The following NALF1 variants were observed in gnomAD, a reference collection of about 807,000 sequenced individuals.
The protein encoded by NALF1 is family with sequence similarity 155 member A.
A neutral mutation model predicts 48.4 loss-of-function variants in NALF1; 3 were observed. The ratio of observed to expected loss-of-function variants is 0.06; its 90% CI spans 0.03 to 0.16. NALF1 has a LOEUF of 0.16. Among genes scored for constraint, NALF1 ranks in the 10% least tolerant of loss-of-function variants. NALF1 has a pLI of 1.00. For missense variants in NALF1, 526 were observed against 571.5 expected (o/e 0.92, Z 0.81); for synonymous variants, 262 against 245.7 (o/e 1.07, Z -0.62).
chr13:107,384,678 T>C (rs894516161), intron 1 of NALF1, among the ~76,000 whole-genome samples: 3 of 152,244 alleles, frequency 2.0e-5, no homozygotes, highest in Admixed American at 2.0e-4. Context: ...GTGTGCCTTA[T>C]ATTGATTTTT....
At chr13:107,777,529 G>A (rs1212627983) in intron 1 of NALF1, among the ~76,000 whole-genome samples, 1 of 152,106 alleles carries the variant, frequency 6.6e-6, no homozygotes, top group East Asian at 1.9e-4. Flanking sequence ...AGATCTGCTT[G>A]TTTAAAAGCG....
chr13:107,232,180 G>A (rs17438294), intron 1 of NALF1, among the ~76,000 whole-genome samples: 4,093 of 152,280 alleles, frequency 0.027, 92 homozygotes, highest in South Asian at 0.08. Flanking sequence ...CTGAAACAAA[G>A]CCAAGGTAAT....
chr13:107,719,807 C>T (rs145621448), intron 1 of NALF1, among the ~76,000 whole-genome samples: 5 of 152,270 alleles, frequency 3.3e-5, no homozygotes, highest in African/African-American at 1.2e-4. Flanking sequence ...CCCTTCATTG[C>T]CTCTAACCCA....
At chr13:107,286,810 G>T (rs1881503781) in intron 1 of NALF1, among the ~76,000 whole-genome samples, 1 of 152,138 alleles carries the variant, frequency 6.6e-6, no homozygotes, top group Admixed American at 6.6e-5. Context: ...AATATCCCAT[G>T]TTAAATTAGT....
chr13:107,373,372 G>T (rs551954923), intron 1 of NALF1, among the ~76,000 whole-genome samples: 2 of 152,290 alleles, frequency 1.3e-5, no homozygotes, highest in African/African-American at 4.8e-5. Flanking sequence ...CCCAAGAAAG[G>T]TGAAAGACCT....
intron 1 of NALF1, among the ~76,000 whole-genome samples, chr13:107,824,710 C>G (rs1879461162): frequency 6.6e-6 from 1 of 152,212 alleles, no homozygotes; most frequent in Non-Finnish European, 1.5e-5. Flanking sequence ...CAGGTAATCA[C>G]AAAATTCCAG....
chr13:107,215,012 G>C (rs1594073808), intron 1 of NALF1, among the ~76,000 whole-genome samples: 2 of 152,252 alleles, frequency 1.3e-5, no homozygotes, highest in East Asian at 3.9e-4. Context: ...ACTCTTCTGA[G>C]AGGACAGAAA....
At chr13:107,854,208 A>G (rs1418510831) in intron 1 of NALF1, among the ~76,000 whole-genome samples, 1 of 152,220 alleles carries the variant, frequency 6.6e-6, no homozygotes, top group Non-Finnish European at 1.5e-5. Context: ...TTTAATATTC[A>G]ATATATATAT....
At chr13:107,271,789 TATATATATATATATATATATATATA>T (rs1881173189) in intron 1 of NALF1, among the ~76,000 whole-genome samples, 1 of 77,938 alleles carries the variant, frequency 1.3e-5, no homozygotes, top group African/African-American at 3.6e-5. Flanking sequence ...TATATATATA[TATATATATATATATATATATATATA>T]TATTTATATA....
chr13:107,538,594 C>T (rs1230750136), intron 1 of NALF1, among the ~76,000 whole-genome samples: 22 of 152,050 alleles, frequency 1.4e-4, no homozygotes, highest in Non-Finnish European at 4.4e-5. Flanking sequence ...TCAAATCAGA[C>T]CTCAGTTCAA....
At chr13:107,734,153 T>C (rs180731538) in intron 1 of NALF1, among the ~76,000 whole-genome samples, 8 of 152,216 alleles carry the variant, frequency 5.3e-5, no homozygotes, top group Admixed American at 5.2e-4. Flanking sequence ...CTGAGCTCCA[T>C]TATAATCTTA....
intron 1 of NALF1, among the ~76,000 whole-genome samples, chr13:107,404,586 C>T: frequency 6.6e-6 from 1 of 151,908 alleles, no homozygotes; most frequent in East Asian, 1.9e-4. Flanking sequence ...TTGTAGGGAA[C>T]AAATTTGGTA....
chr13:107,181,207 T>C (rs1879053245), intron 2 of NALF1, among the ~76,000 whole-genome samples: 1 of 151,604 alleles, frequency 6.6e-6, no homozygotes, highest in Admixed American at 6.6e-5. Flanking sequence ...ATTGGTATCT[T>C]TATTTATGTG....
At chr13:107,411,949 G>A (rs1883999566) in intron 1 of NALF1, among the ~76,000 whole-genome samples, 1 of 152,154 alleles carries the variant, frequency 6.6e-6, no homozygotes, top group Admixed American at 6.5e-5. Context: ...TGGCAGTGAG[G>A]AGGCTAACAT....
chr13:107,650,714 C>A (rs1389652868), intron 1 of NALF1, among the ~76,000 whole-genome samples: 1 of 151,804 alleles, frequency 6.6e-6, no homozygotes, highest in Non-Finnish European at 1.5e-5. Context: ...ACCTGTACCC[C>A]AATAACTTAT....
chr13:107,551,065 T>C (rs1474762075), intron 1 of NALF1, among the ~76,000 whole-genome samples: 1 of 152,156 alleles, frequency 6.6e-6, no homozygotes, highest in African/African-American at 2.4e-5. Flanking sequence ...TTCTCACTTC[T>C]ACCTTTCCAC....
chr13:107,364,437 GGCAGTGACATCGTCA>G (rs1275556112), intron 1 of NALF1, among the ~76,000 whole-genome samples: 3 of 152,176 alleles, frequency 2.0e-5, no homozygotes, highest in African/African-American at 7.2e-5. Flanking sequence ...TGAAAACACT[GGCAGTGACATCGTCA>G]GCATTGCTGA....
chr13:107,791,855 G>A (rs1001995919), intron 1 of NALF1, among the ~76,000 whole-genome samples: 1 of 151,958 alleles, frequency 6.6e-6, no homozygotes, highest in Admixed American at 6.6e-5. Context: ...AGCTACTCAG[G>A]AGCCTGAGGC....
intron 1 of NALF1, among the ~76,000 whole-genome samples, chr13:107,784,102 G>A (rs1012144848): frequency 6.6e-6 from 1 of 152,104 alleles, no homozygotes; most frequent in Non-Finnish European, 1.5e-5. Context: ...ATGCCAAGCT[G>A]CATGGGATTT....
Sources: gnomAD v4.1 joint callset for allele counts (sites outside exome capture counted in the v4.1 genomes callset) on GRCh38, gnomAD v4.1.1 for gene constraint, MANE v1.5 for transcripts, NCBI Gene and HGNC (gene_info 2026-07-23, HGNC 2026-07-21) for gene names.